The following SCAPER variants were observed in gnomAD, a reference collection of about 807,000 sequenced individuals.
SCAPER encodes the protein S-phase cyclin A associated protein in the ER, also known as S phase cyclin A-associated protein in the endoplasmic reticulum.
Under a neutral mutation model 182.2 loss-of-function variants are expected in SCAPER, and 98 were observed. The observed-to-expected ratio is 0.54, with a 90% CI of 0.46 to 0.64. The LOEUF is 0.64. SCAPER is among the 30% of genes least tolerant of loss of function. The pLI is 0.00. For synonymous variants in SCAPER, 605 were observed against 564.6 expected, an observed-to-expected ratio of 1.07 and a Z score of -1.01; for missense variants, 1,432 against 1,690.0, an observed-to-expected ratio of 0.85 and a Z score of 2.68.
intron 10 of SCAPER, among the ~76,000 whole-genome samples, chr15:76,770,701 C>A (rs1011463475): frequency 1.3e-5 from 2 of 151,988 alleles, no homozygotes; most frequent in African/African-American, 4.8e-5. Context: ...AAATTTGATT[C>A]TCACAGAATC....
rs557658507 is a variant in SCAPER at position 76,671,997 on chromosome 15, T to C, written c.2509-6208A>G. Among the ~76,000 whole-genome samples, 3 of 152,268 alleles carry C rather than the reference T, an allele frequency of 2.0e-5. No homozygotes were observed. The East Asian group carries it at 5.8e-4, about 29-fold the overall frequency. ...TCAATAGGAGGTGAGTAAATGGTCC[T>C]TGCATTAAGAAGGTCTGATCTGACT... On this transcript the variant is annotated intron_variant, in intron 20 of 31. Transcript: ENST00000563290.
intron 2 of SCAPER, among the ~76,000 whole-genome samples, chr15:76,867,574 C>T (rs147869168): frequency 0.014 from 2,137 of 152,242 alleles, 22 homozygotes; most frequent in Non-Finnish European, 0.023. Context: ...GGGGAAACAA[C>T]TTCTCTCTTG....
intron 4 of SCAPER, among the ~76,000 whole-genome samples, chr15:76,845,930 C>T (rs1025893603): frequency 6.6e-5 from 10 of 151,890 alleles, no homozygotes; most frequent in African/African-American, 1.7e-4. Flanking sequence ...ATCACATTAC[C>T]TGAATTAAAG....
chr15:76,404,662 C>T lies in SCAPER; in HGVS notation c.3329G>A (p.Gly1110Asp). The part of the protein sequence containing the change: ...QDLISYVVNM[G>D]LIDKLCACFL... ...GCAGGCACACAGTTTGTCAATCAGA[C>T]CCATGTTCACCACGTAGCTAGATAT... Residue 1110 changes from glycine (G) to aspartate (D), a missense_variant, in exon 27 of 32, where the codon GGT becomes GAT. Coordinates refer to ENST00000563290, the MANE Select transcript of SCAPER (RefSeq NM_020843.4). 3.1e-6 allele frequency: 5 copies of T among 1,611,584 alleles called. No individual in the cohort carries two copies. The highest frequency in any genetic ancestry group is 4.2e-6 in the Non-Finnish European group (5 of 1,179,084).
intron 25 of SCAPER, among the ~76,000 whole-genome samples, chr15:76,452,409 A>C (rs1486152223): frequency 1.3e-5 from 2 of 152,212 alleles, no homozygotes; most frequent in Non-Finnish European, 1.5e-5. Flanking sequence ...CTTCATATTA[A>C]ATAACATCAG....
intron 26 of SCAPER, among the ~76,000 whole-genome samples, chr15:76,430,145 C>T (rs2046766787): frequency 6.6e-6 from 1 of 152,218 alleles, no homozygotes; most frequent in Admixed American, 6.5e-5. Context: ...GTTTGGGAAC[C>T]TACACCTAGA....
chr15:76,746,661 G>A (rs1435830984), intron 15 of SCAPER, among the ~76,000 whole-genome samples: 2 of 152,096 alleles, frequency 1.3e-5, no homozygotes, highest in African/African-American at 4.8e-5. Flanking sequence ...ACTAATGAAG[G>A]AGTTCAAACA....
At chr15:76,897,820 T>C (rs1272754109) in intron 1 of SCAPER, among the ~76,000 whole-genome samples, 1 of 152,244 alleles carries the variant, frequency 6.6e-6, no homozygotes, top group African/African-American at 2.4e-5. Context: ...CCTGACAGAT[T>C]ATTGTTTCTG....
intron 22 of SCAPER, among the ~76,000 whole-genome samples, chr15:76,619,579 TTTTC>T (rs994773625): frequency 2.6e-5 from 4 of 152,304 alleles, no homozygotes; most frequent in African/African-American, 9.6e-5. Context: ...TGCAATTATT[TTTTC>T]TTTCTTTTTT....
At chr15:76,857,245 C>A (rs1219159993) in intron 4 of SCAPER, among the ~76,000 whole-genome samples, 1 of 151,912 alleles carries the variant, frequency 6.6e-6, no homozygotes, top group Admixed American at 6.6e-5. Context: ...CCAGCCTGGC[C>A]AACATGGTGA....
chr15:76,874,024 C>G (rs551279764), intron 2 of SCAPER, among the ~76,000 whole-genome samples: 112 of 152,170 alleles, frequency 7.4e-4, no homozygotes, highest in African/African-American at 2.5e-3. Flanking sequence ...TCCCAAGTAG[C>G]TGGGATTACA....
At chr15:76,807,607 T>C (rs1023513663) in intron 5 of SCAPER, among the ~76,000 whole-genome samples, 3 of 151,908 alleles carry the variant, frequency 2.0e-5, no homozygotes, top group African/African-American at 7.2e-5. Flanking sequence ...TATGTATACA[T>C]GTGCCATGCT....
At chr15:76,631,184 T>C (rs576067192) in intron 21 of SCAPER, among the ~76,000 whole-genome samples, 1 of 152,336 alleles carries the variant, frequency 6.6e-6, no homozygotes, top group East Asian at 1.9e-4. Context: ...TATGTGTGTC[T>C]TTGCATGTGA....
intron 21 of SCAPER, among the ~76,000 whole-genome samples, chr15:76,652,273 AATATATATAT>A (rs1172636102): frequency 4.7e-4 from 6 of 12,868 alleles, no homozygotes; most frequent in Non-Finnish European, 6.6e-4. Context: ...AAAAAAAAAA[AATATATATAT>A]ATATATATAT....
chr15:76,402,131 AAAAAC>A (rs1298972492), intron 27 of SCAPER, among the ~76,000 whole-genome samples: 1 of 152,296 alleles, frequency 6.6e-6, no homozygotes, highest in African/African-American at 2.4e-5. Context: ...ATTCAGTCTC[AAAAAC>A]AAAACAAAAC....
At chr15:76,606,307 C>T (rs2050391119) in intron 22 of SCAPER, among the ~76,000 whole-genome samples, 1 of 152,186 alleles carries the variant, frequency 6.6e-6, no homozygotes, top group South Asian at 2.1e-4. Flanking sequence ...GCAGGTTGTT[C>T]AGTTTCCATG....
intron 22 of SCAPER, among the ~76,000 whole-genome samples, chr15:76,587,866 T>C (rs2034162560): frequency 6.6e-6 from 1 of 152,166 alleles, no homozygotes; most frequent in South Asian, 2.1e-4. Context: ...GTGCTGTCAG[T>C]GGAGTACTGA....
chr15:76,583,372 G>A (rs2048406421), intron 22 of SCAPER, among the ~76,000 whole-genome samples: 1 of 144,400 alleles, frequency 6.9e-6, no homozygotes. Flanking sequence ...AAAAAAACTT[G>A]AGTGTAATCC....
rs552728551 is a variant in SCAPER, at chr15:76,455,499, C to T, written c.3078+15713G>A. Among the ~76,000 whole-genome samples the T allele has an allele frequency of 3.3e-4, 50 of 152,140 alleles. No homozygotes were observed. In the East Asian group the frequency reaches 7.5e-3, roughly 23 times the overall value. ...GTTTTTTTTAAAGAGCTGGGTCTCG[C>T]TATGTTGCCCAGGCTGGAAAGCAGT... On this transcript the variant is annotated intron_variant, in intron 25 of 31. Coordinates refer to ENST00000563290, the MANE Select transcript of SCAPER (RefSeq NM_020843.4).
Sources: allele counts gnomAD v4.1 joint callset (sites outside exome capture counted in the v4.1 genomes callset), GRCh38; gene constraint gnomAD v4.1.1; transcripts MANE v1.5; gene names NCBI Gene and HGNC (gene_info 2026-07-23, HGNC 2026-07-21).